MCM5: variants seen among roughly 807,000 people sequenced by gnomAD.
The protein encoded by MCM5 is minichromosome maintenance complex component 5.
Under a neutral mutation model 79.9 loss-of-function variants are expected in MCM5, and 46 were observed. The observed-to-expected ratio is 0.58, with a 90% confidence interval of 0.45 to 0.74. The LOEUF (loss-of-function observed/expected upper bound fraction) is 0.74. Among genes scored for constraint, MCM5 ranks in the 30% least tolerant of loss-of-function variants. The pLI, the probability that MCM5 is intolerant of heterozygous loss-of-function variation, is 0.00. For synonymous variants in MCM5, 404 were observed against 390.5 expected, an observed-to-expected ratio of 1.03 and a Z score of -0.41; for missense variants, 883 against 1,017.0, an observed-to-expected ratio of 0.87 and a Z score of 1.79.
chr22:35,431,513 C>T, the MCM5 span, among the ~76,000 whole-genome samples: 3 of 152,250 alleles, frequency 2.0e-5, no homozygotes, highest in East Asian at 1.9e-4. Context: ...AAAGTAAAAC[C>T]AGTCCCCCTT....
chr22:35,434,917 C>T, the MCM5 span, among the ~76,000 whole-genome samples: 3 of 151,870 alleles, frequency 2.0e-5, no homozygotes, highest in East Asian at 5.9e-4. Flanking sequence ...TTTGGAAGGT[C>T]GAGGTGGGTG....
At chr22:35,434,726 A>T in the MCM5 span, among the ~76,000 whole-genome samples, 1 of 152,238 alleles carries the variant, frequency 6.6e-6, no homozygotes, top group African/African-American at 2.4e-5. Context: ...ACAGGAGATT[A>T]TGACAAGAGT....
intron 1 of MCM5, 86 bp from the exon 2 acceptor site, chr22:35,400,345 G>C (rs1336963244): frequency 6.6e-7 from 1 of 1,504,014 alleles, no homozygotes; most frequent in Non-Finnish European, 9.2e-7. Flanking sequence ...CCCTGCTCCG[G>C]ACTCAGGGCA....
chr22:35,420,538 G>T (rs1932668734), intron 14 of MCM5, among the ~76,000 whole-genome samples: 1 of 152,206 alleles, frequency 6.6e-6, no homozygotes, highest in Non-Finnish European at 1.5e-5. Context: ...TAAAGAAATA[G>T]GAAGTTCATT....
downstream of MCM5, among the ~76,000 whole-genome samples, chr22:35,428,937 C>T (rs146129780): frequency 1.2e-3 from 163 of 141,402 alleles, no homozygotes; most frequent in East Asian, 2.8e-3. Flanking sequence ...GGACTACAGG[C>T]GCATGCCAGT....
Position 35,400,185 on chromosome 22 carries a change from T to G in MCM5, c.-32T>G. The stretch of plus-strand genomic sequence containing the variant: ...GCGTGGAGGTTCTTGTCTCCCCTGG[T>G]TTGTGAAGTGCGGAAAACCAGAGGT... On this transcript the variant is annotated 5_prime_UTR_variant, in exon 1 of 17. Transcript: ENST00000216122. The G allele has an allele frequency of 4.0e-6, 2 of 503,802 alleles. No individual in the cohort carries two copies. The highest frequency in any genetic ancestry group is 7.2e-6 in the Non-Finnish European group (2 of 276,590). 31.2% of individuals were successfully genotyped at this position (503,802 alleles called of 1,614,324 possible).
chr22:35,451,287 G>C, the MCM5 span, among the ~76,000 whole-genome samples: 1 of 152,254 alleles, frequency 6.6e-6, no homozygotes, highest in South Asian at 2.1e-4. Context: ...AATGACGGGA[G>C]AACCAGCAGA....
the MCM5 span, among the ~76,000 whole-genome samples, chr22:35,452,933 G>A: frequency 6.6e-6 from 1 of 152,254 alleles, no homozygotes; most frequent in East Asian, 1.9e-4. Flanking sequence ...CACCCACCCC[G>A]AGAGGAAAGT....
At chr22:35,413,788 A>G (rs1398368647) in intron 8 of MCM5, 87 bp from the exon 9 acceptor site, 13 of 795,692 alleles carry the variant, frequency 1.6e-5, no homozygotes, top group Admixed American at 5.4e-5. Context: ...GGGGGAGTCA[A>G]CTGCCAGCCC....
intron 2 of MCM5, 120 bp downstream of exon 2, chr22:35,400,725 G>A: frequency 8.8e-7 from 1 of 1,134,988 alleles, no homozygotes; most frequent in South Asian, 1.6e-5. Context: ...GAAAGAGCCG[G>A]TCCTGGGTCA....
In MCM5 at chr22:35,416,826, G is replaced by T. The variant is rs371739598; in HGVS notation, c.1590+12G>T. The T allele has an allele frequency of 8.1e-6, 13 of 1,611,432 alleles. No homozygotes were observed. In the African/African-American group the frequency reaches 1.2e-4, roughly 15 times the overall value. The stretch of plus-strand genomic sequence containing the variant: ...AGGAGAGGGATGTGGTACGTCCAGG[G>T]GCAGGGCTGGTGGCCATGGGACCTG... On this transcript the variant is annotated intron_variant, in intron 12 of 16. Transcript: ENST00000216122.
chr22:35,400,860 G>A (rs1231439113), intron 2 of MCM5, among the ~76,000 whole-genome samples: 1 of 152,018 alleles, frequency 6.6e-6, no homozygotes, highest in East Asian at 1.9e-4. Context: ...TCGCTCTGTC[G>A]CCAGGCTGGA....
At chr22:35,447,052 C>G in the MCM5 span, among the ~76,000 whole-genome samples, 2 of 152,320 alleles carry the variant, frequency 1.3e-5, no homozygotes, top group East Asian at 3.9e-4. Context: ...AGCTCAGGGA[C>G]GGCAGCTAGA....
chr22:35,424,403 G>T lies in MCM5; in HGVS notation c.*148G>T. The T allele has an allele frequency of 4.8e-6, 3 of 623,424 alleles. No individual in the cohort carries two copies. The highest frequency in any genetic ancestry group is 8.2e-6 in the Non-Finnish European group (3 of 365,210). The allele number at this position is 623,424 out of a possible 1,614,324, so 38.6% of individuals were successfully genotyped here. The stretch of plus-strand genomic sequence containing the variant: ...CCTCCTTTCTGCCCCAGAGGAAGGA[G>T]CTGTAGTGTCCTGCTGCCTCTGGGC... On this transcript the variant is annotated 3_prime_UTR_variant, in exon 17 of 17. Transcript: ENST00000216122.
At chr22:35,453,673 C>G in the MCM5 span, among the ~76,000 whole-genome samples, 1,281 of 150,360 alleles carry the variant, frequency 8.5e-3, 22 homozygotes, top group African/African-American at 0.03. Flanking sequence ...GGCAGAGCAT[C>G]AGAGACAGAA....
At chr22:35,420,836 CTG>C (rs1055641173) in intron 14 of MCM5, among the ~76,000 whole-genome samples, 4 of 152,158 alleles carry the variant, frequency 2.6e-5, no homozygotes, top group Admixed American at 6.6e-5. Context: ...AGACTAAAAA[CTG>C]GGGTTCCAAG....
chr22:35,428,021 CTTTT>C (rs133437), downstream of MCM5, among the ~76,000 whole-genome samples: 2 of 132,396 alleles, frequency 1.5e-5, no homozygotes, highest in Admixed American at 7.3e-5. Context: ...CTCTCTCTCT[CTTTT>C]TTTTTTTTTT....
Position 35,415,438 on chromosome 22 carries a change from G to A in MCM5, c.1204-391G>A, listed in dbSNP as rs180897894. 7.2e-5 allele frequency among the ~76,000 whole-genome samples: 11 copies of A among 152,154 alleles called. No homozygotes were observed. The East Asian group carries it at 2.1e-3, about 29-fold the overall frequency. ...TATGTGGCGTGTAGGTCTATATAGA[G>A]ACGACAAGGGACTCACGATGGGGGC... is the stretch of plus-strand genomic sequence containing the variant. On this transcript the variant is annotated intron_variant, in intron 9 of 16. Coordinates refer to ENST00000216122, the MANE Select transcript of MCM5 (RefSeq NM_006739.4).
At chr22:35,436,021 G>T in the MCM5 span, among the ~76,000 whole-genome samples, 1 of 151,960 alleles carries the variant, frequency 6.6e-6, no homozygotes, top group Non-Finnish European at 1.5e-5. Flanking sequence ...ACAAAAATTA[G>T]CTGGGCATGG....
Sources: gnomAD v4.1 joint callset for allele counts (sites outside exome capture counted in the v4.1 genomes callset) on GRCh38, gnomAD v4.1.1 for gene constraint, MANE v1.5 for transcripts, NCBI Gene and HGNC (gene_info 2026-07-23, HGNC 2026-07-21) for gene names.